MSI2: variants seen among roughly 807,000 people sequenced by gnomAD.
The protein encoded by MSI2 is RNA-binding protein Musashi homolog 2.
MSI2 carries 17 observed loss-of-function variants against 45.6 expected under a neutral mutation model. The observed-to-expected ratio is 0.37, with a 90% CI of 0.26 to 0.56. The LOEUF (loss-of-function observed/expected upper bound fraction) is 0.56. Among genes scored for constraint, MSI2 ranks in the 20% least tolerant of loss-of-function variants. The pLI is 0.77. For synonymous variants in MSI2, 156 were observed against 158.2 expected (o/e 0.99, Z 0.11); for missense variants, 293 against 444.2 (o/e 0.66, Z 3.06).
chr17:57,292,007 G>C (rs537542771), intron 5 of MSI2, among the ~76,000 whole-genome samples: 51 of 152,212 alleles, frequency 3.4e-4, no homozygotes, highest in African/African-American at 1.2e-3. Flanking sequence ...TGGAGATTGG[G>C]AGTCAGGGAT....
chr17:57,675,048 C>T lies in MSI2; in HGVS notation c.867C>T (p.Ala289=). The part of the protein sequence containing the change: ...PGPVADLYGP[A]SQDSGVGNYI... ...CTGTCGCCGATCTCTACGGCCCTGC[C>T]AGCCAGGACTCCGGAGTGGGGAATT... Residue 289 remains alanine (A), a synonymous_variant, in exon 12 of 14, where the codon GCC becomes GCT. Coordinates refer to ENST00000284073, the MANE Select transcript of MSI2 (RefSeq NM_138962.4). 1 of 1,614,102 alleles carries T rather than the reference C, an allele frequency of 6.2e-7. No homozygotes were observed. The highest frequency in any genetic ancestry group is 8.5e-7 in the Non-Finnish European group (1 of 1,180,030).
chr17:57,392,098 G>T (rs1055697259), intron 5 of MSI2, among the ~76,000 whole-genome samples: 1 of 152,190 alleles, frequency 6.6e-6, no homozygotes, highest in South Asian at 2.1e-4. Context: ...CAGCCACCTC[G>T]CTCTGCAGCG....
chr17:57,520,357 G>C (rs546803431), intron 6 of MSI2, among the ~76,000 whole-genome samples: 1 of 152,178 alleles, frequency 6.6e-6, no homozygotes, highest in East Asian at 1.9e-4. Context: ...GTGTCCCTTT[G>C]TTGAATTCAT....
chr17:57,401,491 G>T lies in MSI2; in HGVS notation c.405+20G>T, dbSNP rs373822155. ...GGCAAGGTAAGCGCTGGATGGGGTTGGATGGCACATGCCAGAAGTAGCCTC... is the reference window on the plus strand; with the variant it reads ...GGCAAGGTAAGCGCTGGATGGGGTTTGATGGCACATGCCAGAAGTAGCCTC... On this transcript the variant is annotated intron_variant, in intron 6 of 13. Coordinates refer to ENST00000284073, the MANE Select transcript of MSI2 (RefSeq NM_138962.4). 1.2e-6 allele frequency: 2 copies of T among 1,600,062 alleles called. No homozygotes were observed. The highest frequency in any genetic ancestry group is 2.7e-5 in the African/African-American group (2 of 74,704).
intron 6 of MSI2, among the ~76,000 whole-genome samples, chr17:57,426,706 C>T (rs986389236): frequency 1.3e-5 from 2 of 152,202 alleles, no homozygotes; most frequent in Admixed American, 6.5e-5. Flanking sequence ...TCCATACAGC[C>T]TTGGAAATGC....
chr17:57,325,808 C>T (rs766425560), intron 5 of MSI2, among the ~76,000 whole-genome samples: 8 of 152,196 alleles, frequency 5.3e-5, no homozygotes, highest in Non-Finnish European at 8.8e-5. Flanking sequence ...GGATGCCTGC[C>T]GTACCAAGCG....
intron 6 of MSI2, among the ~76,000 whole-genome samples, chr17:57,441,618 G>C (rs2084801938): frequency 1.3e-5 from 2 of 152,180 alleles, no homozygotes; most frequent in South Asian, 2.1e-4. Flanking sequence ...AAGTCCCTCT[G>C]TGAGGTCCAG....
chr17:57,593,864 G>A (rs1404743184), intron 7 of MSI2, among the ~76,000 whole-genome samples: 1 of 152,168 alleles, frequency 6.6e-6, no homozygotes, highest in Non-Finnish European at 1.5e-5. Context: ...TGAGGGGTGA[G>A]AGGGAGACGC....
chr17:57,341,844 C>T (rs1285298048), intron 5 of MSI2, among the ~76,000 whole-genome samples: 1 of 152,154 alleles, frequency 6.6e-6, no homozygotes, highest in Non-Finnish European at 1.5e-5. Flanking sequence ...AGGGATTTGC[C>T]TTTGTTGCTC....
intron 5 of MSI2, among the ~76,000 whole-genome samples, chr17:57,393,994 G>A (rs948960435): frequency 1.6e-4 from 25 of 152,276 alleles, no homozygotes; most frequent in African/African-American, 5.5e-4. Flanking sequence ...GTAACACTAT[G>A]TTTAATCATT....
At chr17:57,308,650 C>T (rs1038835434) in intron 5 of MSI2, among the ~76,000 whole-genome samples, 2 of 152,130 alleles carry the variant, frequency 1.3e-5, no homozygotes, top group Non-Finnish European at 2.9e-5. Flanking sequence ...CACAGGTGAG[C>T]CCTTGGTTCC....
At chr17:57,581,223 G>A (rs112054469) in intron 7 of MSI2, among the ~76,000 whole-genome samples, 6 of 152,064 alleles carry the variant, frequency 3.9e-5, no homozygotes, top group African/African-American at 1.4e-4. Flanking sequence ...ATGTTGGCCA[G>A]GCTGGTCTTG....
chr17:57,434,727 G>A (rs921143979), intron 6 of MSI2, among the ~76,000 whole-genome samples: 26 of 152,032 alleles, frequency 1.7e-4, no homozygotes, highest in African/African-American at 5.8e-4. Flanking sequence ...TTGTTTCAAA[G>A]GATGTAATTT....
intron 2 of MSI2, 31 bp downstream of exon 2, chr17:57,257,169 C>A (rs745669313): frequency 2.0e-6 from 3 of 1,484,320 alleles, no homozygotes; most frequent in Non-Finnish European, 9.1e-7. Flanking sequence ...CGCCTGGGTC[C>A]CCCCCTTCTT....
intron 8 of MSI2, among the ~76,000 whole-genome samples, chr17:57,607,649 C>T (rs771968408): frequency 2.0e-5 from 3 of 152,132 alleles, no homozygotes; most frequent in Non-Finnish European, 4.4e-5. Context: ...TGTGTTAGGC[C>T]GTTCTCGCGT....
At chr17:57,638,550 C>T (rs1910008013) in intron 10 of MSI2, among the ~76,000 whole-genome samples, 1 of 152,108 alleles carries the variant, frequency 6.6e-6, no homozygotes, top group Non-Finnish European at 1.5e-5. Flanking sequence ...AAACTTAGTC[C>T]ATTCTGGTGA....
the MSI2 span, among the ~76,000 whole-genome samples, chr17:57,700,113 C>T: frequency 1.8e-3 from 269 of 152,288 alleles, 1 homozygote; most frequent in Non-Finnish European, 3.4e-3. Context: ...GGGAGATTTA[C>T]GGGGTAGTGA....
At chr17:57,393,380 G>A (rs1011743365) in intron 5 of MSI2, among the ~76,000 whole-genome samples, 26 of 152,286 alleles carry the variant, frequency 1.7e-4, no homozygotes, top group African/African-American at 4.1e-4. Flanking sequence ...ACTGTAATAC[G>A]TGATGTTCTG....
chr17:57,398,679 T>G (rs2083934101), intron 5 of MSI2, among the ~76,000 whole-genome samples: 1 of 152,252 alleles, frequency 6.6e-6, no homozygotes, highest in Admixed American at 6.5e-5. Flanking sequence ...GCTAGACACT[T>G]GGCATACATT....
Sources: gnomAD v4.1 joint callset for allele counts (sites outside exome capture counted in the v4.1 genomes callset) on GRCh38, gnomAD v4.1.1 for gene constraint, MANE v1.5 for transcripts, NCBI Gene and HGNC (gene_info 2026-07-23, HGNC 2026-07-21) for gene names.